The following MKLN1 variants were observed in gnomAD, a reference collection of about 807,000 sequenced individuals.
MKLN1 encodes the protein muskelin 1, also known as muskelin.
A neutral mutation model predicts 99.0 loss-of-function variants in MKLN1; 18 were observed. That is an observed-to-expected ratio of 0.18 (90% CI 0.13 to 0.27). The LOEUF (loss-of-function observed/expected upper bound fraction) is 0.27, where lower values mean the gene tolerates loss of function less well. MKLN1 is among the 10% of genes least tolerant of loss of function. The pLI is 1.00. For synonymous variants in MKLN1, 288 were observed against 293.2 expected (o/e 0.98, Z 0.18); for missense variants, 621 against 875.9 (o/e 0.71, Z 3.67).
intron 2 of MKLN1, among the ~76,000 whole-genome samples, chr7:131,146,850 G>A (rs1795820885): frequency 6.6e-6 from 1 of 152,202 alleles, no homozygotes; most frequent in Non-Finnish European, 1.5e-5. Context: ...TCCAATGTGT[G>A]AAGGATGCAG....
chr7:131,150,689 A>C (rs1795876686), intron 2 of MKLN1, among the ~76,000 whole-genome samples: 1 of 152,056 alleles, frequency 6.6e-6, no homozygotes, highest in South Asian at 2.1e-4. Context: ...GTCTGCTTCT[A>C]GCCATTTGTT....
At chr7:131,196,951 G>C (rs1400249340) in intron 2 of MKLN1, among the ~76,000 whole-genome samples, 1 of 152,048 alleles carries the variant, frequency 6.6e-6, no homozygotes, top group Non-Finnish European at 1.5e-5. Flanking sequence ...TCCAAATGCC[G>C]TGACAAGTCT....
At chr7:131,341,499 A>G (rs1799406417) in intron 1 of MKLN1, among the ~76,000 whole-genome samples, 1 of 152,182 alleles carries the variant, frequency 6.6e-6, no homozygotes, top group Non-Finnish European at 1.5e-5. Flanking sequence ...TTTATATTGT[A>G]TCATGTATCA....
intron 2 of MKLN1, among the ~76,000 whole-genome samples, chr7:131,151,053 A>G (rs925104252): frequency 1.3e-5 from 2 of 152,216 alleles, no homozygotes; most frequent in African/African-American, 2.4e-5. Flanking sequence ...TCTTGTATTA[A>G]CTAGTAATAA....
chr7:131,202,496 A>G (rs1040119473), intron 2 of MKLN1, among the ~76,000 whole-genome samples: 3 of 151,940 alleles, frequency 2.0e-5, no homozygotes, highest in African/African-American at 7.3e-5. Flanking sequence ...GCATAGCCTC[A>G]CCTCCTTATG....
chr7:131,417,467 C>A (rs1033479452), intron 8 of MKLN1, among the ~76,000 whole-genome samples: 4 of 152,128 alleles, frequency 2.6e-5, no homozygotes, highest in African/African-American at 9.7e-5. Context: ...ATTTAATATA[C>A]AGTTGTCTGT....
intron 1 of MKLN1, among the ~76,000 whole-genome samples, chr7:131,135,225 T>G (rs576537267): frequency 1.6e-4 from 25 of 152,192 alleles, no homozygotes; most frequent in Admixed American, 5.2e-4. Context: ...CAGGTTCAAG[T>G]GATTCTTCCG....
At chr7:131,358,632 A>G (rs1332472466) in intron 1 of MKLN1, among the ~76,000 whole-genome samples, 1 of 152,166 alleles carries the variant, frequency 6.6e-6, no homozygotes, top group South Asian at 2.1e-4. Flanking sequence ...AATGTTTGGT[A>G]GAATTCACCA....
At chr7:131,287,093 T>C (rs1485750099) in intron 3 of MKLN1, among the ~76,000 whole-genome samples, 1 of 148,636 alleles carries the variant, frequency 6.7e-6, no homozygotes, top group Non-Finnish European at 1.5e-5. Flanking sequence ...CAGAGTGAAA[T>C]GAAACCCTGT....
chr7:131,424,390 A>T (rs1202463414), intron 8 of MKLN1, among the ~76,000 whole-genome samples: 1 of 152,140 alleles, frequency 6.6e-6, no homozygotes, highest in Non-Finnish European at 1.5e-5. Flanking sequence ...TCAGAGTGGA[A>T]AAACTGATTT....
chr7:131,341,685 T>C (rs1179664825), intron 1 of MKLN1, among the ~76,000 whole-genome samples: 3 of 152,218 alleles, frequency 2.0e-5, no homozygotes, highest in African/African-American at 7.2e-5. Context: ...AGAATGAAAT[T>C]GTTCCATTTC....
chr7:131,349,759 T>C (rs1342829689), intron 1 of MKLN1, among the ~76,000 whole-genome samples: 1 of 152,254 alleles, frequency 6.6e-6, no homozygotes, highest in Admixed American at 6.5e-5. Flanking sequence ...TTTTTTGTTT[T>C]GGGGAGACAC....
At chr7:131,438,492 C>T (rs891575482) in intron 10 of MKLN1, among the ~76,000 whole-genome samples, 3 of 148,134 alleles carry the variant, frequency 2.0e-5, no homozygotes, top group African/African-American at 5.0e-5. Flanking sequence ...TTAAACTCAG[C>T]ACCAATAGAA....
Position 131,356,818 on chromosome 7 carries a change from G to A in MKLN1, c.99-18606G>A, listed in dbSNP as rs147432916. ...CGGTGGCAGATACCCAAGTTACCCC[G>A]ATTCCGTATGGGTCTGCCACAACTT... On this transcript the variant is annotated intron_variant, in intron 1 of 17. Transcript: ENST00000352689. Among the ~76,000 whole-genome samples the A allele has an allele frequency of 5.1e-3, 773 of 152,260 alleles. 1 individual carries two copies. Among genetic ancestry groups the A allele is most frequent in the Non-Finnish European group, 8.1e-3 (554 of 68,028 alleles).
At chr7:131,142,774 A>T in intron 1 of MKLN1, 1 of 464,852 alleles carries the variant, frequency 2.2e-6, no homozygotes, top group Non-Finnish European at 3.8e-6. Context: ...GAGGGCAATT[A>T]ATAGAGGTAG....
chr7:131,186,340 TA>T (rs1449117774), intron 2 of MKLN1, among the ~76,000 whole-genome samples: 3 of 152,000 alleles, frequency 2.0e-5, no homozygotes, highest in South Asian at 2.1e-4. Context: ...ACTGTCTCTA[TA>T]CAAAATAATT....
At chr7:131,116,229 G>A (rs1795276454) in intron 1 of MKLN1, among the ~76,000 whole-genome samples, 1 of 151,972 alleles carries the variant, frequency 6.6e-6, no homozygotes, top group African/African-American at 2.4e-5. Flanking sequence ...GTAGGAAAAG[G>A]AGAAGAGCAA....
At chr7:131,189,793 A>G (rs1002594223) in intron 2 of MKLN1, among the ~76,000 whole-genome samples, 6 of 152,236 alleles carry the variant, frequency 3.9e-5, no homozygotes, top group Admixed American at 1.3e-4. Context: ...GTGAATGGAA[A>G]TATCTTTCAA....
intron 16 of MKLN1, among the ~76,000 whole-genome samples, chr7:131,472,966 GA>G (rs1305467125): frequency 8.7e-6 from 1 of 114,680 alleles, no homozygotes; most frequent in Admixed American, 8.6e-5. Context: ...AAAAAAAAAA[GA>G]AAAAAAAACA....
Sources: allele counts gnomAD v4.1 joint callset (sites outside exome capture counted in the v4.1 genomes callset), GRCh38; gene constraint gnomAD v4.1.1; transcripts MANE v1.5; gene names NCBI Gene and HGNC (gene_info 2026-07-23, HGNC 2026-07-21).